Variants in MAN1A1 observed in about 807,000 individuals in gnomAD.
The protein encoded by MAN1A1 is mannosidase alpha class 1A member 1.
MAN1A1 carries 29 observed loss-of-function variants against 70.8 expected under a neutral mutation model. The observed-to-expected ratio is 0.41, with a 90% confidence interval of 0.31 to 0.56. MAN1A1 has a LOEUF of 0.56. Among genes scored for constraint, MAN1A1 ranks in the 20% least tolerant of loss-of-function variants. MAN1A1 has a pLI of 0.29. For missense variants in MAN1A1, 747 were observed against 841.3 expected (o/e 0.89, Z 1.39); for synonymous variants, 349 against 330.1 (o/e 1.06, Z -0.62).
Position 119,201,361 on chromosome 6 carries a change from TA to T in MAN1A1, c.1117-15del. The T allele has an allele frequency of 6.4e-7, 1 of 1,559,500 alleles. No individual in the cohort carries two copies. Among genetic ancestry groups the T allele is most frequent in the Non-Finnish European group, 8.8e-7 (1 of 1,133,316 alleles). On this transcript the variant is annotated splice_polypyrimidine_tract_variant and intron_variant, in intron 7 of 12. Coordinates refer to ENST00000368468, the MANE Select transcript of MAN1A1 (RefSeq NM_005907.4). ...AATATTCATTACCTATAATAGAAAA[TA>T]AAATGTTACCGTGAAAATCTAAAAA...
intron 11 of MAN1A1, among the ~76,000 whole-genome samples, chr6:119,184,899 TAAAA>T (rs1773246125): frequency 1.3e-5 from 2 of 151,616 alleles, no homozygotes; most frequent in Non-Finnish European, 1.5e-5. Flanking sequence ...TTTTTTTTTT[TAAAA>T]TTTTCAAGAG....
At chr6:119,339,092 T>G (rs1582816746) in intron 2 of MAN1A1, among the ~76,000 whole-genome samples, 1 of 152,164 alleles carries the variant, frequency 6.6e-6, no homozygotes, top group African/African-American at 2.4e-5. Context: ...GGAGAAAGTG[T>G]TGATCAAAGA....
At chr6:119,279,798 T>C (rs1776180719) in intron 5 of MAN1A1, among the ~76,000 whole-genome samples, 1 of 152,224 alleles carries the variant, frequency 6.6e-6, no homozygotes, top group African/African-American at 2.4e-5. Context: ...CCTAACTGCT[T>C]AAAGACCTTG....
intron 8 of MAN1A1, among the ~76,000 whole-genome samples, chr6:119,197,517 T>C (rs986447036): frequency 1.3e-5 from 2 of 152,090 alleles, no homozygotes; most frequent in Admixed American, 1.3e-4. Flanking sequence ...AGGTTTGTGA[T>C]AGGAAAGCAC....
chr6:119,243,982 G>A (rs996098114), intron 6 of MAN1A1, among the ~76,000 whole-genome samples: 7 of 151,988 alleles, frequency 4.6e-5, no homozygotes, highest in Non-Finnish European at 8.8e-5. Context: ...ATAAAATAGT[G>A]TATAGCTAAA....
chr6:119,317,692 T>C lies in MAN1A1; in HGVS notation c.604-10700A>G, dbSNP rs11751515. On this transcript the variant is annotated intron_variant, in intron 2 of 12. Coordinates refer to ENST00000368468, the MANE Select transcript of MAN1A1 (RefSeq NM_005907.4). ...TGTTGCTTCCAAGTTTTGGCAATTA[T>C]GAATAAAGCTGTTAAAGAAGAGACT... 6.0e-3 allele frequency among the ~76,000 whole-genome samples: 914 copies of C among 152,276 alleles called. 4 individuals are homozygous for C. The highest frequency in any genetic ancestry group is 9.8e-3 in the Non-Finnish European group (667 of 68,002).
At chr6:119,226,923 G>T (rs1462955208) in intron 6 of MAN1A1, among the ~76,000 whole-genome samples, 1 of 151,968 alleles carries the variant, frequency 6.6e-6, no homozygotes, top group Non-Finnish European at 1.5e-5. Flanking sequence ...CTCCTGCCTT[G>T]GCCTCCCAGA....
rs139569075 is a variant in MAN1A1, at chr6:119,334,311, T to C, written c.603+14152A>G. On this transcript the variant is annotated intron_variant, in intron 2 of 12. Coordinates refer to ENST00000368468, the MANE Select transcript of MAN1A1 (RefSeq NM_005907.4). ...ATATCCTCGTGCCCAACAAAGAATA[T>C]CTTTCCTTTTATTAGTTGGTTTTTA... Among the ~76,000 whole-genome samples the C allele has an allele frequency of 3.4e-3, 513 of 152,296 alleles. 1 individual carries two copies. The highest frequency in any genetic ancestry group is 5.9e-3 in the Non-Finnish European group (402 of 68,016).
intron 6 of MAN1A1, among the ~76,000 whole-genome samples, chr6:119,234,608 T>C (rs1774788885): frequency 6.6e-6 from 1 of 152,106 alleles, no homozygotes; most frequent in African/African-American, 2.4e-5. Flanking sequence ...AGAGACGAGG[T>C]CTTGCTTTGT....
At chr6:119,346,690 C>T (rs1304592829) in intron 2 of MAN1A1, among the ~76,000 whole-genome samples, 1 of 152,226 alleles carries the variant, frequency 6.6e-6, no homozygotes, top group Non-Finnish European at 1.5e-5. Flanking sequence ...TCTGAATGCA[C>T]TTGTAATCAC....
At chr6:119,292,231 G>A (rs768645069) in intron 4 of MAN1A1, among the ~76,000 whole-genome samples, 2 of 151,984 alleles carry the variant, frequency 1.3e-5, no homozygotes, top group Non-Finnish European at 2.9e-5. Flanking sequence ...CTACTATTTA[G>A]ATTATAAAGC....
chr6:119,349,971 C>T (rs1394862177), upstream of MAN1A1, among the ~76,000 whole-genome samples: 2 of 152,008 alleles, frequency 1.3e-5, no homozygotes, highest in African/African-American at 2.4e-5. Context: ...CCGGGAGGCG[C>T]GAGGTAGGCG....
chr6:119,285,996 C>T (rs560147315), intron 5 of MAN1A1, among the ~76,000 whole-genome samples: 1 of 152,136 alleles, frequency 6.6e-6, no homozygotes, highest in South Asian at 2.1e-4. Context: ...CATCCAAAGC[C>T]CAGATGATTT....
At chr6:119,211,072 T>C (rs763625973) in intron 6 of MAN1A1, 37 of 299,106 alleles carry the variant, frequency 1.2e-4, no homozygotes, top group Non-Finnish European at 2.3e-4. Context: ...ATAATAATAA[T>C]ATATGAAGTT....
At chr6:119,344,039 C>G (rs983833872) in intron 2 of MAN1A1, among the ~76,000 whole-genome samples, 1 of 152,194 alleles carries the variant, frequency 6.6e-6, no homozygotes, top group African/African-American at 2.4e-5. Context: ...TATGTAAGTT[C>G]TTCAATGAAT....
At chr6:119,211,226 ATC>A (rs1774042362) in intron 6 of MAN1A1, among the ~76,000 whole-genome samples, 1 of 152,182 alleles carries the variant, frequency 6.6e-6, no homozygotes, top group Non-Finnish European at 1.5e-5. Flanking sequence ...TATGTTTTCC[ATC>A]TCTGTCTTTC....
At chr6:119,236,793 C>T (rs887149186) in intron 6 of MAN1A1, among the ~76,000 whole-genome samples, 2 of 150,924 alleles carry the variant, frequency 1.3e-5, no homozygotes, top group African/African-American at 4.9e-5. Flanking sequence ...CTGCCATAGA[C>T]AGTGATTCCT....
rs2267671 is a variant in MAN1A1, at chr6:119,207,570, A to G, written c.993-2688T>C. 0.025 allele frequency among the ~76,000 whole-genome samples: 3,815 copies of G among 152,294 alleles called. 251 individuals carry two copies. The East Asian group carries it at 0.28, about 11-fold the overall frequency. ...GAAATGTGTCTGTGTGTCTCAGAGA[A>G]ATGGCTGCCTCCTGTCTTGCATAGC... On this transcript the variant is annotated intron_variant, in intron 6 of 12. Coordinates refer to ENST00000368468, the MANE Select transcript of MAN1A1 (RefSeq NM_005907.4).
intron 3 of MAN1A1, among the ~76,000 whole-genome samples, chr6:119,305,294 T>C (rs1772194474): frequency 6.6e-6 from 1 of 152,182 alleles, no homozygotes; most frequent in Admixed American, 6.6e-5. Context: ...ATAAAGATTA[T>C]GGCAATTTAA....
Sources: gnomAD v4.1 joint callset for allele counts (sites outside exome capture counted in the v4.1 genomes callset) on GRCh38, gnomAD v4.1.1 for gene constraint, MANE v1.5 for transcripts, NCBI Gene and HGNC (gene_info 2026-07-23, HGNC 2026-07-21) for gene names.